The following OPRM1 variants were observed in gnomAD, a reference collection of about 807,000 sequenced individuals.
OPRM1 encodes mu-type opioid receptor.
A neutral mutation model predicts 31.8 loss-of-function variants in OPRM1; 27 were observed. That is an observed-to-expected ratio of 0.85 (90% CI 0.63 to 1.17). The LOEUF (loss-of-function observed/expected upper bound fraction) is 1.17, where lower values mean the gene tolerates loss of function less well. Among genes scored for constraint, OPRM1 ranks in the 50% most tolerant of loss-of-function variants. The probability of loss-of-function intolerance (pLI) is 0.00; values close to 1 mark genes in which losing one functional copy is unlikely to be tolerated. For synonymous variants in OPRM1, 196 were observed against 189.9 expected (o/e 1.03, Z -0.26); for missense variants, 536 against 511.1 (o/e 1.05, Z -0.47).
At chr6:154,025,342 C>G (rs1034759099) in intron 1 of OPRM1, among the ~76,000 whole-genome samples, 127 of 151,882 alleles carry the variant, frequency 8.4e-4, no homozygotes, top group African/African-American at 2.9e-3. Flanking sequence ...TAGTTAGTTA[C>G]TCCTGCTCTT....
chr6:154,100,096 T>TGA lies in OPRM1; in HGVS notation c.1164+8624_1164+8625insGA, dbSNP rs1562472115. 2.1e-4 allele frequency among the ~76,000 whole-genome samples: 14 copies of TGA among 66,866 alleles called. No individual in the cohort carries two copies. The East Asian group carries it at 0.01, about 48-fold the overall frequency. The allele number at this position is 66,866 out of a possible 152,430, so 43.9% of individuals were successfully genotyped here. A position where few individuals can be genotyped will look rare whatever the true frequency, so the allele number is the denominator to read the frequency against. Reference sequence around the variant, plus strand: ...ATATATCATATTATATATTATCATATTATGATATATATATTATATATTATC... The same window carrying TGA: ...ATATATCATATTATATATTATCATATGATATGATATATATATTATATATTATC... On this transcript the variant is annotated intron_variant, in intron 3 of 3. Coordinates refer to ENST00000330432, the MANE Select transcript of OPRM1 (RefSeq NM_000914.5).
chr6:154,044,274 A>G (rs907331687), intron 1 of OPRM1, among the ~76,000 whole-genome samples: 1 of 152,040 alleles, frequency 6.6e-6, no homozygotes, highest in Non-Finnish European at 1.5e-5. Flanking sequence ...GGAAACACAT[A>G]TATATATAGT....
chr6:154,099,465 AAAGAAAAAG>A (rs1268514382), intron 3 of OPRM1, among the ~76,000 whole-genome samples: 4 of 150,526 alleles, frequency 2.7e-5, no homozygotes, highest in African/African-American at 9.8e-5. Context: ...AGAAAGAAAG[AAAGAAAAAG>A]AAAGAAAGAA....
At chr6:154,223,820 G>A (rs1285565700) in intron 3 of OPRM1, among the ~76,000 whole-genome samples, 2 of 152,078 alleles carry the variant, frequency 1.3e-5, no homozygotes, top group African/African-American at 4.8e-5. Context: ...AGGGCCTTGG[G>A]GATTAAATCA....
intron 3 of OPRM1, chr6:154,107,392 C>A: frequency 1.4e-6 from 1 of 694,150 alleles, no homozygotes; most frequent in Non-Finnish European, 2.7e-6. Context: ...AGGAAAATTT[C>A]AGACAGTCCG....
intron 1 of OPRM1, among the ~76,000 whole-genome samples, chr6:154,056,298 A>G (rs889487405): frequency 1.3e-5 from 2 of 151,484 alleles, no homozygotes; most frequent in African/African-American, 4.9e-5. Flanking sequence ...TAATTTTTGT[A>G]TTTTTAGTAG....
intron 1 of OPRM1, among the ~76,000 whole-genome samples, chr6:154,029,704 G>A (rs140722072): frequency 0.029 from 4,390 of 152,188 alleles, 200 homozygotes; most frequent in African/African-American, 0.1. Context: ...CATAATCCCC[G>A]CATGTCATGG....
intron 3 of OPRM1, among the ~76,000 whole-genome samples, chr6:154,183,440 C>T (rs1271646702): frequency 6.6e-6 from 1 of 152,186 alleles, no homozygotes; most frequent in Non-Finnish European, 1.5e-5. Context: ...TTAATCTAAA[C>T]ATTTGAGAAC....
Position 154,180,386 on chromosome 6 carries a change from C to CTATATA in OPRM1, c.1165-66283_1165-66278dup, listed in dbSNP as rs58975780. Among the ~76,000 whole-genome samples the CTATATA allele has an allele frequency of 1.1e-3, 97 of 88,292 alleles. 1 individual carries two copies. The highest frequency in any genetic ancestry group is 1.2e-3 in the Non-Finnish European group (57 of 45,796). The allele number at this position is 88,292 out of a possible 152,430, so 57.9% of individuals were successfully genotyped here. A position where few individuals can be genotyped will look rare whatever the true frequency, so the allele number is the denominator to read the frequency against. On this transcript the variant is annotated intron_variant, in intron 3 of 3. Transcript: ENST00000337049. Reference sequence around the variant, plus strand: ...TACTGAGCTAGTTTAACAACAACAACTATATATATATATATATATATATAT... The same window carrying CTATATA: ...TACTGAGCTAGTTTAACAACAACAACTATATATATATATATATATATATATATATAT...
At chr6:154,068,008 C>T (rs190232195) in intron 1 of OPRM1, among the ~76,000 whole-genome samples, 1 of 152,120 alleles carries the variant, frequency 6.6e-6, no homozygotes, top group Non-Finnish European at 1.5e-5. Context: ...CTCTGCATGA[C>T]TTTGGATATT....
intron 1 of OPRM1, chr6:154,011,024 G>T (rs1300386504): frequency 3.9e-6 from 5 of 1,290,080 alleles, no homozygotes; most frequent in South Asian, 3.7e-5. Context: ...CCAGGGTAGG[G>T]TACAGCTCAT....
intron 1 of OPRM1, among the ~76,000 whole-genome samples, chr6:154,060,658 T>A (rs1344051408): frequency 6.6e-6 from 1 of 152,186 alleles, no homozygotes; most frequent in East Asian, 1.9e-4. Context: ...CTTAGTTGTA[T>A]GAGTTTTTTC....
chr6:154,193,568 G>C (rs1462627586), intron 3 of OPRM1, among the ~76,000 whole-genome samples: 1 of 152,190 alleles, frequency 6.6e-6, no homozygotes, highest in Non-Finnish European at 1.5e-5. Context: ...CTGCTAAGGA[G>C]TAAATAATAA....
At chr6:154,205,268 C>T (rs1439691714) in intron 3 of OPRM1, among the ~76,000 whole-genome samples, 1 of 151,540 alleles carries the variant, frequency 6.6e-6, no homozygotes, top group Non-Finnish European at 1.5e-5. Context: ...TTCCATTCAG[C>T]ATCCCTGTAT....
Position 154,127,789 on chromosome 6 carries a change from C to T in OPRM1, c.*9068C>T, listed in dbSNP as rs1226358632. Among the ~76,000 whole-genome samples the T allele has an allele frequency of 8.5e-5, 13 of 152,318 alleles. No individual in the cohort carries two copies. The East Asian group carries it at 2.5e-3, about 29-fold the overall frequency. On this transcript the variant is annotated 3_prime_UTR_variant, in exon 4 of 4. Transcript: ENST00000330432. Reference sequence around the variant, plus strand: ...ACCTGATTCCTAATGCCTGTTCCTGCCTCTGCAGGGGTTCATTCAGAAAAC... The same window carrying T: ...ACCTGATTCCTAATGCCTGTTCCTGTCTCTGCAGGGGTTCATTCAGAAAAC...
intron 3 of OPRM1, among the ~76,000 whole-genome samples, chr6:154,152,320 AAAG>A (rs1242390880): frequency 6.0e-5 from 3 of 50,002 alleles, no homozygotes; most frequent in African/African-American, 1.4e-4. Context: ...AGAAAGAAAG[AAAG>A]AAAGAAAGAA....
chr6:154,176,945 T>A (rs543521653), intron 3 of OPRM1, among the ~76,000 whole-genome samples: 8 of 151,994 alleles, frequency 5.3e-5, no homozygotes, highest in Non-Finnish European at 7.4e-5. Flanking sequence ...AACAGAGATA[T>A]AGACCAATGG....
At chr6:154,093,656 A>T in intron 3 of OPRM1, 1 of 923,400 alleles carries the variant, frequency 1.1e-6, no homozygotes, top group Non-Finnish European at 1.5e-6. Flanking sequence ...TATCAGTGTA[A>T]GATAACAGCA....
intron 1 of OPRM1, among the ~76,000 whole-genome samples, chr6:154,068,563 C>G (rs539859439): frequency 1.3e-5 from 2 of 152,232 alleles, no homozygotes; most frequent in East Asian, 3.9e-4. Context: ...TAAGTCGTAT[C>G]CCATTGTGTA....
Sources: gnomAD v4.1 joint callset for allele counts (sites outside exome capture counted in the v4.1 genomes callset) on GRCh38, gnomAD v4.1.1 for gene constraint, MANE v1.5 for transcripts, NCBI Gene and HGNC (gene_info 2026-07-23, HGNC 2026-07-21) for gene names.